TBC1D22A: variants seen among roughly 807,000 people sequenced by gnomAD.
TBC1D22A encodes the protein putative GTPase activator.
TBC1D22A carries 38 observed loss-of-function variants against 60.2 expected under a neutral mutation model. The ratio of observed to expected loss-of-function variants is 0.63; its 90% CI spans 0.49 to 0.83. The LOEUF is 0.83. Ranked by LOEUF, TBC1D22A falls within the 40% of genes least tolerant of loss-of-function variation. The probability of loss-of-function intolerance (pLI) is 0.00; values close to 1 mark genes in which losing one functional copy is unlikely to be tolerated. For synonymous variants in TBC1D22A, 302 were observed against 281.7 expected (o/e 1.07, Z -0.72); for missense variants, 628 against 701.0 (o/e 0.90, Z 1.18).
chr22:46,885,012 G>A (rs2068040549), intron 5 of TBC1D22A, among the ~76,000 whole-genome samples: 1 of 152,200 alleles, frequency 6.6e-6, no homozygotes, highest in Admixed American at 6.5e-5. Context: ...GTGTTTTCGG[G>A]CTGGTGGTGT....
Position 46,990,913 on chromosome 22 carries a change from G to C in TBC1D22A, c.1126-6721G>C, listed in dbSNP as rs543898212. ...GCCGCTTTACTCTGCTGGTTGGCCC[G>C]TGTCTGAAGACAAGGGACAGTCACG... is the stretch of plus-strand genomic sequence containing the variant. On this transcript the variant is annotated intron_variant, in intron 9 of 12. Transcript: ENST00000337137. The surrounding 1 kb of genome is among the most constrained non-coding windows in gnomAD (Gnocchi z 4.6). Among the ~76,000 whole-genome samples, 1 of 152,204 alleles carries C rather than the reference G, an allele frequency of 6.6e-6. No individual in the cohort carries two copies. The highest frequency in any genetic ancestry group is 2.4e-5 in the African/African-American group (1 of 41,436).
At chr22:46,841,767 G>C (rs1209820755) in intron 4 of TBC1D22A, among the ~76,000 whole-genome samples, 1 of 152,184 alleles carries the variant, frequency 6.6e-6, no homozygotes, top group Non-Finnish European at 1.5e-5. Flanking sequence ...CTCATGTACA[G>C]CATGATGACT....
rs1227434837 is a variant in TBC1D22A, at chr22:46,894,697, T to TA, written c.838-86dup. On this transcript the variant is annotated intron_variant, in intron 6 of 12. Coordinates refer to ENST00000337137, the MANE Select transcript of TBC1D22A (RefSeq NM_014346.5). The stretch of plus-strand genomic sequence containing the variant: ...GCGGGGTAGAGGCCGGGGAAGGACT[T>TA]ACCTCAGTATTGCTGTTTTAATCAT... 1.7e-5 allele frequency: 25 copies of TA among 1,507,014 alleles called. 1 individual carries two copies. The allele number at this position is 1,507,014 out of a possible 1,614,324, so 93.4% of individuals were successfully genotyped here. A position where few individuals can be genotyped will look rare whatever the true frequency, so the allele number is the denominator to read the frequency against.
chr22:47,044,410 G>A (rs186734039), intron 11 of TBC1D22A, among the ~76,000 whole-genome samples: 2 of 152,296 alleles, frequency 1.3e-5, no homozygotes, highest in Non-Finnish European at 2.9e-5. Context: ...GGTGAGGGTG[G>A]ACAGCGTGCT....
intron 11 of TBC1D22A, among the ~76,000 whole-genome samples, chr22:47,067,752 G>A (rs1004124244): frequency 1.3e-5 from 2 of 152,208 alleles, no homozygotes; most frequent in Admixed American, 6.5e-5. Context: ...TTAAGACCAC[G>A]AGTGTGCGTG....
intron 12 of TBC1D22A, among the ~76,000 whole-genome samples, chr22:47,127,619 G>GCT (rs1342556147): frequency 6.6e-6 from 1 of 152,014 alleles, no homozygotes; most frequent in Non-Finnish European, 1.5e-5. Flanking sequence ...TGGCCAGCTT[G>GCT]CTCTTCCACT....
chr22:47,087,487 A>G (rs1338250243), intron 11 of TBC1D22A, among the ~76,000 whole-genome samples: 1 of 152,258 alleles, frequency 6.6e-6, no homozygotes, highest in Non-Finnish European at 1.5e-5. Flanking sequence ...AAATGACTTC[A>G]AACAGACTTT....
At chr22:46,938,103 T>A (rs1408896685) in intron 8 of TBC1D22A, among the ~76,000 whole-genome samples, 1 of 152,178 alleles carries the variant, frequency 6.6e-6, no homozygotes, top group Non-Finnish European at 1.5e-5. Flanking sequence ...TGCACTGTAA[T>A]GTCCCAGGCC....
intron 4 of TBC1D22A, among the ~76,000 whole-genome samples, chr22:46,835,186 A>G (rs1292293304): frequency 2.0e-5 from 3 of 152,208 alleles, no homozygotes; most frequent in East Asian, 3.8e-4. Flanking sequence ...TGTTACTTCA[A>G]ATGCAAAGAC....
chr22:47,053,303 G>A (rs758457582), intron 11 of TBC1D22A, among the ~76,000 whole-genome samples: 2 of 152,184 alleles, frequency 1.3e-5, no homozygotes, highest in Non-Finnish European at 2.9e-5. Context: ...TCTCACGTCC[G>A]CAGTGGAGAA....
At chr22:46,854,378 C>T (rs1292006842) in intron 4 of TBC1D22A, among the ~76,000 whole-genome samples, 1 of 152,190 alleles carries the variant, frequency 6.6e-6, no homozygotes, top group East Asian at 1.9e-4. Context: ...TTCTCTCCCT[C>T]CCCTTCCCGT....
chr22:46,766,191 G>T (rs1484354336), intron 1 of TBC1D22A, among the ~76,000 whole-genome samples: 2 of 152,024 alleles, frequency 1.3e-5, no homozygotes, highest in Non-Finnish European at 2.9e-5. Context: ...TAGAGACGGG[G>T]TTTCACCGTG....
chr22:47,033,253 A>G (rs889727465), intron 10 of TBC1D22A, among the ~76,000 whole-genome samples: 13 of 152,300 alleles, frequency 8.5e-5, no homozygotes, highest in East Asian at 5.8e-4. Flanking sequence ...AGAACTTTCT[A>G]TCAGTTTAGT....
At chr22:47,064,042 C>CA (rs1314438451) in intron 11 of TBC1D22A, among the ~76,000 whole-genome samples, 1 of 151,004 alleles carries the variant, frequency 6.6e-6, no homozygotes, top group Non-Finnish European at 1.5e-5. Context: ...TCCAGTGTGG[C>CA]CTCCTCTGAA....
intron 11 of TBC1D22A, among the ~76,000 whole-genome samples, chr22:47,059,277 G>A (rs936089352): frequency 2.0e-5 from 3 of 152,350 alleles, no homozygotes; most frequent in South Asian, 2.1e-4. Flanking sequence ...GTGTGGGTGC[G>A]CACGCGTCTG....
At chr22:46,798,784 C>A (rs1268635183) in intron 4 of TBC1D22A, among the ~76,000 whole-genome samples, 1 of 152,200 alleles carries the variant, frequency 6.6e-6, no homozygotes, top group East Asian at 1.9e-4. Flanking sequence ...CAGGAGGTGG[C>A]GAGTGGCGCA....
chr22:46,831,443 G>A (rs907097977), intron 4 of TBC1D22A, among the ~76,000 whole-genome samples: 12 of 152,302 alleles, frequency 7.9e-5, no homozygotes, highest in South Asian at 4.1e-4. Context: ...GCACAAGCAC[G>A]TGGCTTGTGT....
At chr22:46,974,251 C>T in intron 8 of TBC1D22A, 39 bp from the exon 9 acceptor site, 5 of 1,543,818 alleles carry the variant, frequency 3.2e-6, no homozygotes, top group African/African-American at 1.4e-5. Flanking sequence ...TCCCGTGTGG[C>T]TAAGTCTCCT....
At chr22:46,797,981 C>G (rs1171989086) in intron 4 of TBC1D22A, among the ~76,000 whole-genome samples, 1 of 152,210 alleles carries the variant, frequency 6.6e-6, no homozygotes, top group Non-Finnish European at 1.5e-5. Flanking sequence ...AAGCAATCCT[C>G]CTGCCTCAGC....
Sources: allele counts gnomAD v4.1 joint callset (sites outside exome capture counted in the v4.1 genomes callset), GRCh38; gene constraint gnomAD v4.1.1; non-coding constraint Gnocchi (gnomAD v3.1); transcripts MANE v1.5; gene names NCBI Gene and HGNC (gene_info 2026-07-23, HGNC 2026-07-21).